The following TNFRSF12A variants were observed in gnomAD, a reference collection of about 807,000 sequenced individuals.
TNFRSF12A encodes tumor necrosis factor receptor superfamily member 12A.
In TNFRSF12A, 13 loss-of-function variants were observed where a neutral mutation model predicts 15.5. The observed-to-expected ratio is 0.84, with a 90% confidence interval of 0.54 to 1.33. The LOEUF (loss-of-function observed/expected upper bound fraction) is 1.33, where lower values mean the gene tolerates loss of function less well. Ranked by LOEUF, TNFRSF12A falls within the 40% of genes most tolerant of loss-of-function variation. TNFRSF12A has a pLI of 0.00. For missense variants in TNFRSF12A, 174 were observed against 173.6 expected (o/e 1.00, Z -0.01); for synonymous variants, 89 against 78.4 (o/e 1.14, Z -0.71).
In TNFRSF12A at chr16:3,022,353, A is replaced by C. The variant is rs530903792; in HGVS notation, c.*527A>C. On this transcript the variant is annotated 3_prime_UTR_variant, in exon 4 of 4. Transcript: ENST00000326577. ...GGGGAGAGTTTGGAGGGGAGGGAGA[A>C]TTTATTAATAAAAGAATCTTTAACT... 1 of 194,418 alleles carries C rather than the reference A, an allele frequency of 5.1e-6. No individual in the cohort carries two copies. Among genetic ancestry groups the C allele is most frequent in the South Asian group, 1.8e-4 (1 of 5,618 alleles). 12.0% of individuals were successfully genotyped at this position (194,418 alleles called of 1,614,324 possible). A position where few individuals can be genotyped will look rare whatever the true frequency, so the allele number is the denominator to read the frequency against.
At chr16:3,020,964 C>T (rs879679122) in intron 1 of TNFRSF12A, 6 of 477,402 alleles carry the variant, frequency 1.3e-5, no homozygotes, top group African/African-American at 6.1e-5. Context: ...GGGTCGGGCC[C>T]GGTGCCCAGG....
In TNFRSF12A at chr16:3,020,471, T is replaced by A. The variant is rs1162447631; in HGVS notation, c.74T>A (p.Val25Glu). Residue 25 changes from valine (V) to glutamate (E), a missense_variant, in exon 1 of 4, where the codon GTG becomes GAG. Transcript: ENST00000326577. ...LGLWLALLRSVAGEQAPGTAP... is the reference protein window; with the variant it reads ...LGLWLALLRSEAGEQAPGTAP... The stretch of plus-strand genomic sequence containing the variant: ...CTCTGGCTGGCGTTGCTGCGCTCCG[T>A]GGCCGGGGAGCAAGCGCCAGGTACG... 1.5e-6 allele frequency: 2 copies of A among 1,294,384 alleles called. No homozygotes were observed. Among genetic ancestry groups the A allele is most frequent in the Admixed American group, 3.1e-5 (1 of 32,590 alleles). The allele number at this position is 1,294,384 out of a possible 1,614,324, so 80.2% of individuals were successfully genotyped here.
Position 3,020,407 on chromosome 16 carries a change from G to A in TNFRSF12A, c.10G>A (p.Gly4Ser). MAR[G>S]SLRRLLRLLV... Reference sequence around the variant, plus strand: ...GCGCAGGACGTGCACTATGGCTCGGGGCTCGCTGCGCCGGTTGCTGCGGCT... The same window carrying A: ...GCGCAGGACGTGCACTATGGCTCGGAGCTCGCTGCGCCGGTTGCTGCGGCT... The change falls in exon 1 of 4, where the codon GGC (glycine) becomes AGC (serine). Residue 4 changes from glycine to serine, a missense_variant. Coordinates refer to ENST00000326577, the MANE Select transcript of TNFRSF12A (RefSeq NM_016639.3). 1 of 1,290,732 alleles carries A rather than the reference G, an allele frequency of 7.7e-7. No individual in the cohort carries two copies. The highest frequency in any genetic ancestry group is 9.8e-7 in the Non-Finnish European group (1 of 1,018,920). 80.0% of individuals were successfully genotyped at this position (1,290,732 alleles called of 1,614,324 possible).
chr16:3,022,308 G>A lies in TNFRSF12A; in HGVS notation c.*482G>A, dbSNP rs3760087. The A allele has an allele frequency of 1.2e-5, 3 of 253,898 alleles. No homozygotes were observed. Among genetic ancestry groups the A allele is most frequent in the East Asian group, 1.4e-4 (2 of 14,302 alleles). The allele number at this position is 253,898 out of a possible 1,614,324, so 15.7% of individuals were successfully genotyped here. ...ACAGACCCCCCCAACTCCCCAAAGC[G>A]GGGAGGAGATATTTATTTTGGGGAG... On this transcript the variant is annotated 3_prime_UTR_variant, in exon 4 of 4. Coordinates refer to ENST00000326577, the MANE Select transcript of TNFRSF12A (RefSeq NM_016639.3).
At chr16:3,021,166 G>A in intron 1 of TNFRSF12A, 49 bp from the exon 2 acceptor site, 1 of 1,050,146 alleles carries the variant, frequency 9.5e-7, no homozygotes, top group Non-Finnish European at 1.4e-6. Context: ...TCAGACCCCA[G>A]AATAGCCGAG....
At chr16:3,021,165 A>G (rs1463894535) in intron 1 of TNFRSF12A, 50 bp from the exon 2 acceptor site, 4 of 1,022,170 alleles carry the variant, frequency 3.9e-6, no homozygotes, top group Non-Finnish European at 5.6e-6. Flanking sequence ...CTCAGACCCC[A>G]GAATAGCCGA....
chr16:3,021,484 A>G (rs2072610962), intron 2 of TNFRSF12A, 71 bp from the exon 3 acceptor site: 2 of 1,472,166 alleles, frequency 1.4e-6, no homozygotes. Flanking sequence ...GGGAGAAGGC[A>G]GAAGGCTCAG....
chr16:3,020,488 C>T lies in TNFRSF12A; in HGVS notation c.91C>T (p.Pro31Ser). 7.7e-7 allele frequency: 1 copy of T among 1,293,220 alleles called. No individual in the cohort carries two copies. Among genetic ancestry groups the T allele is most frequent in the Non-Finnish European group, 9.8e-7 (1 of 1,019,340 alleles). 80.1% of individuals were successfully genotyped at this position (1,293,220 alleles called of 1,614,324 possible). ...LLRSVAGEQAPGTAPCSRGSS... is the reference protein window; with the variant it reads ...LLRSVAGEQASGTAPCSRGSS... ...GCGCTCCGTGGCCGGGGAGCAAGCG[C>T]CAGGTACGCGGGACTCCGGGGTCGG... Residue 31 changes from proline (P) to serine (S), a missense_variant, in exon 1 of 4, where the codon CCA (proline) becomes TCA (serine). Transcript: ENST00000326577.
At chr16:3,020,927 T>C in intron 1 of TNFRSF12A, 1 of 471,756 alleles carries the variant, frequency 2.1e-6, no homozygotes, top group South Asian at 4.0e-5. Flanking sequence ...GTGACTTCAG[T>C]GCCCAGCTAT....
In TNFRSF12A at chr16:3,022,210, G is replaced by C. The variant is rs2072620925; in HGVS notation, c.*384G>C. Reference sequence around the variant, plus strand: ...AGATGTCCTGAAATTCCACCACGGGGGTCACCCTGGGGGGTTAGGGACCTA... The same window carrying C: ...AGATGTCCTGAAATTCCACCACGGGCGTCACCCTGGGGGGTTAGGGACCTA... On this transcript the variant is annotated 3_prime_UTR_variant, in exon 4 of 4. Transcript: ENST00000326577. The C allele has an allele frequency of 2.5e-6, 1 of 397,894 alleles. No homozygotes were observed. The highest frequency in any genetic ancestry group is 3.7e-5 in the East Asian group (1 of 26,668). The allele number at this position is 397,894 out of a possible 1,614,324, so 24.6% of individuals were successfully genotyped here.
At position 3,022,282 on chromosome 16, in the gene TNFRSF12A, T is replaced by G; in HGVS notation, c.*456T>G. ...CCCACTAGGAGGGCTGGCCCTAAGATACAGACCCCCCCAACTCCCCAAAGC... is the reference window on the plus strand; with the variant it reads ...CCCACTAGGAGGGCTGGCCCTAAGAGACAGACCCCCCCAACTCCCCAAAGC... On this transcript the variant is annotated 3_prime_UTR_variant, in exon 4 of 4. Transcript: ENST00000326577. The G allele has an allele frequency of 3.5e-6, 1 of 285,320 alleles. No homozygotes were observed. Among genetic ancestry groups the G allele is most frequent in the East Asian group, 5.9e-5 (1 of 17,080 alleles). The allele number at this position is 285,320 out of a possible 1,614,324, so 17.7% of individuals were successfully genotyped here.
Position 3,022,250 on chromosome 16 carries a change from G to A in TNFRSF12A, c.*424G>A. The A allele has an allele frequency of 3.0e-6, 1 of 336,984 alleles. No homozygotes were observed. The highest frequency in any genetic ancestry group is 5.4e-6 in the Non-Finnish European group (1 of 186,696). 20.9% of individuals were successfully genotyped at this position (336,984 alleles called of 1,614,324 possible). ...TTAGGGACCTATTTTTAACACTAGGGGGCTGGCCCACTAGGAGGGCTGGCC... is the reference window on the plus strand; with the variant it reads ...TTAGGGACCTATTTTTAACACTAGGAGGCTGGCCCACTAGGAGGGCTGGCC... On this transcript the variant is annotated 3_prime_UTR_variant, in exon 4 of 4. Coordinates refer to ENST00000326577, the MANE Select transcript of TNFRSF12A (RefSeq NM_016639.3).
rs1277526214 is a variant in TNFRSF12A at position 3,021,889 on chromosome 16, G to A, written c.*63G>A. The A allele has an allele frequency of 6.4e-7, 1 of 1,569,774 alleles. No homozygotes were observed. Among genetic ancestry groups the A allele is most frequent in the Admixed American group, 1.8e-5 (1 of 56,460 alleles). On this transcript the variant is annotated 3_prime_UTR_variant, in exon 4 of 4. Transcript: ENST00000326577. ...CATTCATTCATCCATTCTAGAGCCA[G>A]TCTCTGCCTCCCAGACGCGGCGGGA...
At position 3,020,455 on chromosome 16, in the gene TNFRSF12A, G is replaced by A. The variant is rs763229064; in HGVS notation, c.58G>A (p.Ala20Thr). Residue 20 changes from alanine to threonine, a missense_variant, in exon 1 of 4, where the codon GCG (alanine) becomes ACG (threonine). By Grantham distance (58) the Ala-to-Thr change is moderately conservative. Coordinates refer to ENST00000326577, the MANE Select transcript of TNFRSF12A (RefSeq NM_016639.3). ...LRLLVLGLWL[A>T]LLRSVAGEQA... ...GCTCCTCGTGCTGGGGCTCTGGCTG[G>A]CGTTGCTGCGCTCCGTGGCCGGGGA... is the stretch of plus-strand genomic sequence containing the variant. 64 of 1,294,828 alleles carry A rather than the reference G, an allele frequency of 4.9e-5. No homozygotes were observed. Among genetic ancestry groups the A allele is most frequent in the Non-Finnish European group, 6.1e-5 (62 of 1,020,330 alleles). The allele number at this position is 1,294,828 out of a possible 1,614,324, so 80.2% of individuals were successfully genotyped here.
chr16:3,021,350 G>A (rs763919215), intron 2 of TNFRSF12A, 31 bp downstream of exon 2: 2 of 1,525,546 alleles, frequency 1.3e-6, no homozygotes, highest in African/African-American at 1.4e-5. Context: ...GTGGCCAGCG[G>A]ACCCCAGACT....
chr16:3,021,355 C>G (rs761885784), intron 2 of TNFRSF12A, 36 bp downstream of exon 2: 2 of 1,513,944 alleles, frequency 1.3e-6, no homozygotes, highest in Non-Finnish European at 1.8e-6. Flanking sequence ...CAGCGGACCC[C>G]AGACTGGGAG....
In TNFRSF12A at chr16:3,021,327, G is replaced by A; in HGVS notation, c.199+8G>A. The A allele has an allele frequency of 6.4e-7, 1 of 1,569,188 alleles. No individual in the cohort carries two copies. On this transcript the variant is annotated splice_region_variant and intron_variant, in intron 2 of 3. Coordinates refer to ENST00000326577, the MANE Select transcript of TNFRSF12A (RefSeq NM_016639.3). ...GCGACTTCTGCCTGGGCTGTGAGTGGGGGGCAGGGCCAGTGGCCAGCGGAC... is the reference window on the plus strand; with the variant it reads ...GCGACTTCTGCCTGGGCTGTGAGTGAGGGGCAGGGCCAGTGGCCAGCGGAC...
At chr16:3,021,107 C>G in intron 1 of TNFRSF12A, 108 bp from the exon 2 acceptor site, 2 of 594,452 alleles carry the variant, frequency 3.4e-6, no homozygotes, top group Non-Finnish European at 5.7e-6. Context: ...GAGGAATGCG[C>G]GGGGAGGGCG....
intron 1 of TNFRSF12A, chr16:3,020,903 C>T: frequency 2.2e-6 from 1 of 463,566 alleles, no homozygotes; most frequent in Non-Finnish European, 3.8e-6. Flanking sequence ...ATGTGGGGTG[C>T]CCCCTTCCAT....
Sources: allele counts gnomAD v4.1 joint callset, GRCh38; gene constraint gnomAD v4.1.1; transcripts MANE v1.5; gene names NCBI Gene and HGNC (gene_info 2026-07-23, HGNC 2026-07-21).